GSS: variants seen among roughly 807,000 people sequenced by gnomAD.
GSS encodes the protein glutathione synthetase, also known as GSH synthetase.
A neutral mutation model predicts 60.4 loss-of-function variants in GSS; 34 were observed. The ratio of observed to expected loss-of-function variants is 0.56; its 90% confidence interval spans 0.43 to 0.75. GSS has a LOEUF of 0.75. GSS is among the 30% of genes least tolerant of loss of function. The probability of loss-of-function intolerance (pLI) is 0.00; values close to 1 mark genes in which losing one functional copy is unlikely to be tolerated. For synonymous variants in GSS, 224 were observed against 239.0 expected, an observed-to-expected ratio of 0.94 and a Z score of 0.58; for missense variants, 499 against 595.1, an observed-to-expected ratio of 0.84 and a Z score of 1.68.
chr20:34,945,468 T>C (rs969089765), intron 3 of GSS, among the ~76,000 whole-genome samples: 21 of 150,584 alleles, frequency 1.4e-4, no homozygotes, highest in Admixed American at 6.6e-5. Context: ...ATGCCCTGAG[T>C]GTGGCCCAGT....
At chr20:34,941,348 C>CT (rs771194429) in intron 6 of GSS, among the ~76,000 whole-genome samples, 12 of 128,986 alleles carry the variant, frequency 9.3e-5, no homozygotes, top group Non-Finnish European at 1.7e-4. Context: ...GAGTGAGACT[C>CT]TGTCTCAAAA....
At chr20:34,955,232 A>G (rs1361580642) in intron 1 of GSS, 2 of 152,258 alleles carry the variant, frequency 1.3e-5, no homozygotes, top group African/African-American at 4.8e-5. Context: ...AGCCGCGCTT[A>G]GTACTGTATT....
chr20:34,929,270 G>GC (rs1321403596), intron 12 of GSS, 131 bp downstream of exon 12: 1 of 840,850 alleles, frequency 1.2e-6, no homozygotes, highest in Non-Finnish European at 2.0e-6. Context: ...AGGTAATAAA[G>GC]CTAGTGATTG....
rs777770549 is a variant in GSS at position 34,931,967 on chromosome 20, G to C, written c.1001C>G (p.Thr334Ser). 1.2e-6 allele frequency: 2 copies of C among 1,614,142 alleles called. No homozygotes were observed. The highest frequency in any genetic ancestry group is 1.7e-6 in the Non-Finnish European group (2 of 1,180,044). The change falls in exon 10 of 13, where the codon ACC becomes AGC. Residue 334 changes from threonine to serine, a missense_variant. Coordinates refer to ENST00000651619, the MANE Select transcript of GSS (RefSeq NM_000178.4). ...ATCCAGTGAGTAGAGGCCAGCAAAG[G>C]TGGCGCGGAGGCGGGCCACAGCCTC... ...QPEAVARLRA[T>S]FAGLYSLDVG...
At chr20:34,932,705 T>C (rs2081411236) in intron 9 of GSS, among the ~76,000 whole-genome samples, 1 of 152,238 alleles carries the variant, frequency 6.6e-6, no homozygotes. Context: ...CTATTTAATG[T>C]GGATTTCCCA....
rs1351818402 is a variant in GSS at position 34,935,616 on chromosome 20, T to C, written c.794A>G (p.Tyr265Cys). The change falls in exon 9 of 13, where the codon TAC becomes TGC. Residue 265 changes from tyrosine (Y) to cysteine (C), a missense_variant. Coordinates refer to ENST00000651619, the MANE Select transcript of GSS (RefSeq NM_000178.4). ...ACGAGGCATGTAGCCATCCCGGAAGTAAACCACAGCAATTTCCTGGCCATC... is the reference window on the plus strand; with the variant it reads ...ACGAGGCATGTAGCCATCCCGGAAGCAAACCACAGCAATTTCCTGGCCATC... ...FVDGQEIAVV[Y>C]FRDGYMPRQY... 6 of 1,613,426 alleles carry C rather than the reference T, an allele frequency of 3.7e-6. No individual in the cohort carries two copies. Among genetic ancestry groups the C allele is most frequent in the South Asian group, 1.1e-5 (1 of 91,064 alleles).
intron 5 of GSS, 106 bp from the exon 6 acceptor site, chr20:34,941,935 TA>T: frequency 1.3e-6 from 1 of 763,894 alleles, no homozygotes; most frequent in Non-Finnish European, 2.4e-6. Flanking sequence ...AGCTGAGCAC[TA>T]AAAAGCATCC....
At chr20:34,949,334 T>C (rs1283000646) in intron 2 of GSS, 1 of 152,122 alleles carries the variant, frequency 6.6e-6, no homozygotes, top group Non-Finnish European at 1.5e-5. Context: ...ACCCAGTAGC[T>C]AAGGCCCCGC....
chr20:34,955,413 G>T (rs1018376034), intron 1 of GSS: 1 of 152,292 alleles, frequency 6.6e-6, no homozygotes, highest in Non-Finnish European at 1.5e-5. Flanking sequence ...CCCACTTCAC[G>T]GGCCCGCTCG....
At chr20:34,938,719 G>T (rs1375551342) in intron 6 of GSS, among the ~76,000 whole-genome samples, 1 of 152,196 alleles carries the variant, frequency 6.6e-6, no homozygotes, top group Non-Finnish European at 1.5e-5. Flanking sequence ...AACAATCAGA[G>T]CTGGGCTCAG....
chr20:34,951,483 G>A, intron 2 of GSS: 1 of 525,022 alleles, frequency 1.9e-6, no homozygotes, highest in East Asian at 3.3e-5. Flanking sequence ...TTTTACACCT[G>A]AAGAAACTGC....
intron 2 of GSS, chr20:34,950,158 T>C (rs1038418577): frequency 1.3e-5 from 2 of 152,118 alleles, no homozygotes; most frequent in African/African-American, 4.8e-5. Context: ...ATGGTACCTA[T>C]TGATTAACAG....
chr20:34,928,910 A>AGAT lies in GSS; in HGVS notation c.1340_1342dup (p.His447dup). The AGAT allele has an allele frequency of 6.2e-7, 1 of 1,613,896 alleles. No homozygotes were observed. The highest frequency in any genetic ancestry group is 8.5e-7 in the Non-Finnish European group (1 of 1,180,022). Reference sequence around the variant, plus strand: ...ATGCTCGATGGCTTTGGTTCGAAGTAGATGCCCCACGTGCTTGTTCATCAC... The same window carrying AGAT: ...ATGCTCGATGGCTTTGGTTCGAAGTAGATGATGCCCCACGTGCTTGTTCATCAC... On this transcript the variant is annotated inframe_insertion, in exon 13 of 13. Transcript: ENST00000651619.
chr20:34,941,807 T>C lies in GSS; in HGVS notation c.514A>G (p.Lys172Glu). 1 of 1,606,170 alleles carries C rather than the reference T, an allele frequency of 6.2e-7. No individual in the cohort carries two copies. ...AGGATCTTGCCAGCTTCTTTGGTCTTACTCAGGACACTGAGAACATGTCTG... is the reference window on the plus strand; with the variant it reads ...AGGATCTTGCCAGCTTCTTTGGTCTCACTCAGGACACTGAGAACATGTCTG... The part of the protein sequence containing the change: ...VHRHVLSVLS[K>E]TKEAGKILSN... Residue 172 changes from lysine (K) to glutamate (E), a missense_variant, in exon 6 of 13, where the codon AAG (lysine) becomes GAG (glutamate). Lys to Glu is a moderately conservative substitution (Grantham distance 56, BLOSUM62 1). Coordinates refer to ENST00000651619, the MANE Select transcript of GSS (RefSeq NM_000178.4).
chr20:34,952,478 AGGCT>A (rs1479226380), intron 1 of GSS, among the ~76,000 whole-genome samples: 2 of 151,508 alleles, frequency 1.3e-5, no homozygotes, highest in African/African-American at 4.9e-5. Flanking sequence ...TCAGTCGCCT[AGGCT>A]GGAGTTCAGT....
At position 34,946,040 on chromosome 20, in the gene GSS, T is replaced by G. The variant is rs549520627; in HGVS notation, c.188A>C (p.Glu63Ala). The G allele has an allele frequency of 6.2e-7, 1 of 1,613,836 alleles. No homozygotes were observed. The highest frequency in any genetic ancestry group is 2.2e-5 in the East Asian group (1 of 44,884). Residue 63 changes from glutamate (E) to alanine (A), a missense_variant, in exon 3 of 13, where the codon GAG (glutamate) becomes GCG (alanine). Transcript: ENST00000651619. Reference sequence around the variant, plus strand: ...GTCCATCTGCACAGCATAGGCTTGCTCCAGCAGGGCACTGGGGACCAGTGA... The same window carrying G: ...GTCCATCTGCACAGCATAGGCTTGCGCCAGCAGGGCACTGGGGACCAGTGA... ...FPSLVPSALL[E>A]QAYAVQMDFN...
intron 9 of GSS, among the ~76,000 whole-genome samples, chr20:34,933,342 T>A (rs540588109): frequency 2.0e-5 from 3 of 152,256 alleles, no homozygotes; most frequent in East Asian, 3.9e-4. Context: ...GAAGGACAGG[T>A]AGAGCCTGAC....
chr20:34,932,071 G>T lies in GSS; in HGVS notation c.897C>A (p.Thr299=). Residue 299 remains threonine (T), a synonymous_variant, in exon 10 of 13, where the codon ACC becomes ACA. Coordinates refer to ENST00000651619, the MANE Select transcript of GSS (RefSeq NM_000178.4). The part of the protein sequence containing the change: ...SHAAKCPDIA[T]QLAGTKKVQQ... ...GCACCTTCTTAGTCCCAGCCAGCTG[G>T]GTGGCAATGTCTGGGCACTTGGCAG... is the stretch of plus-strand genomic sequence containing the variant. The T allele has an allele frequency of 1.2e-6, 2 of 1,614,150 alleles. No homozygotes were observed. Among genetic ancestry groups the T allele is most frequent in the South Asian group, 1.1e-5 (1 of 91,086 alleles).
At chr20:34,931,136 C>T (rs969824161) in intron 11 of GSS, among the ~76,000 whole-genome samples, 200 bp downstream of exon 11, 1 of 152,252 alleles carries the variant, frequency 6.6e-6, no homozygotes, top group Non-Finnish European at 1.5e-5. Context: ...CCAAACCCTT[C>T]AATGCTGGTT....
Sources: allele counts gnomAD v4.1 joint callset (sites outside exome capture counted in the v4.1 genomes callset), GRCh38; gene constraint gnomAD v4.1.1; transcripts MANE v1.5; gene names NCBI Gene and HGNC (gene_info 2026-07-23, HGNC 2026-07-21).